Variants in EPS15 observed in about 807,000 individuals in gnomAD.
EPS15 encodes the protein epidermal growth factor receptor pathway substrate 15.
A neutral mutation model predicts 113.8 loss-of-function variants in EPS15; 72 were observed. The observed-to-expected ratio is 0.63, with a 90% confidence interval of 0.52 to 0.77. The LOEUF (loss-of-function observed/expected upper bound fraction) is 0.77. Ranked by LOEUF, EPS15 falls within the 30% of genes least tolerant of loss-of-function variation. The probability of loss-of-function intolerance (pLI) is 0.00; values close to 1 mark genes in which losing one functional copy is unlikely to be tolerated. For synonymous variants in EPS15, 344 were observed against 363.4 expected (o/e 0.95, Z 0.61); for missense variants, 1,048 against 1,045.8 (o/e 1.00, Z -0.03).
rs530542723 is a variant in EPS15, at chr1:51,518,544, G to A, written c.33+655C>T. 138 of 152,978 alleles carry A rather than the reference G, an allele frequency of 9.0e-4. 1 individual carries two copies. Among genetic ancestry groups the A allele is most frequent in the African/African-American group, 3.2e-3 (134 of 41,608 alleles). 9.5% of individuals were successfully genotyped at this position (152,978 alleles called of 1,614,324 possible). On this transcript the variant is annotated intron_variant, in intron 1 of 24. Transcript: ENST00000371733. ...AGAAGGAAACCTGATCAGGAGGGGG[G>A]AGAGGCTGAACGGAGGAAGGGGCCG... is the stretch of plus-strand genomic sequence containing the variant.
At chr1:51,406,455 T>G (rs1306018792) in intron 15 of EPS15, among the ~76,000 whole-genome samples, 1 of 152,146 alleles carries the variant, frequency 6.6e-6, no homozygotes, top group African/African-American at 2.4e-5. Flanking sequence ...AGTGACAGAA[T>G]GAGACCCTGT....
intron 1 of EPS15, among the ~76,000 whole-genome samples, chr1:51,503,755 T>C (rs973642043): frequency 6.6e-6 from 1 of 152,152 alleles, no homozygotes; most frequent in African/African-American, 2.4e-5. Context: ...TATAGATCAA[T>C]GGAACAGAAT....
At chr1:51,431,498 T>G (rs1481826725) in intron 12 of EPS15, among the ~76,000 whole-genome samples, 1 of 151,834 alleles carries the variant, frequency 6.6e-6, no homozygotes, top group African/African-American at 2.4e-5. Context: ...CAGGCGAGAA[T>G]GCAGTGGGGC....
chr1:51,463,879 A>G (rs532998210), intron 6 of EPS15, 81 bp from the exon 7 acceptor site: 2 of 751,712 alleles, frequency 2.7e-6, no homozygotes, highest in African/African-American at 1.8e-5. Flanking sequence ...GTCCTTAAAG[A>G]ATAGACTACA....
At position 51,504,843 on chromosome 1, in the gene EPS15, G is replaced by A. The variant is rs918924117; in HGVS notation, c.33+14356C>T. ...AGCTGCTCTAAAACAGTCAGCAGCC[G>A]AGCGTGGTGGCTCACACCTATAATC... On this transcript the variant is annotated intron_variant, in intron 1 of 24. Coordinates refer to ENST00000371733, the MANE Select transcript of EPS15 (RefSeq NM_001981.3). Among the ~76,000 whole-genome samples the A allele has an allele frequency of 4.6e-5, 7 of 152,310 alleles. No individual in the cohort carries two copies. In the East Asian group the frequency reaches 7.7e-4, roughly 17 times the overall value.
chr1:51,517,266 T>C (rs1644737453), intron 1 of EPS15, among the ~76,000 whole-genome samples: 1 of 152,220 alleles, frequency 6.6e-6, no homozygotes, highest in African/African-American at 2.4e-5. Flanking sequence ...CCAATGTATA[T>C]TATCTCATAT....
intron 21 of EPS15, chr1:51,372,575 A>T (rs753076161): frequency 1.7e-5 from 9 of 523,746 alleles, no homozygotes; most frequent in Middle Eastern, 4.7e-4. Context: ...CAAGAGTAAC[A>T]TTGCCATCAA....
At chr1:51,423,997 C>T (rs901318509) in intron 12 of EPS15, among the ~76,000 whole-genome samples, 9 of 151,050 alleles carry the variant, frequency 6.0e-5, no homozygotes, top group Non-Finnish European at 1.0e-4. Context: ...CCATTCCCAA[C>T]TAAAAAAAAA....
At chr1:51,474,614 G>C (rs1049483240) in intron 2 of EPS15, among the ~76,000 whole-genome samples, 2 of 152,080 alleles carry the variant, frequency 1.3e-5, no homozygotes, top group Admixed American at 1.3e-4. Flanking sequence ...ATGTGCATAA[G>C]CCCTTTCTGA....
chr1:51,416,821 A>G (rs562022093), intron 13 of EPS15, among the ~76,000 whole-genome samples: 196 of 150,914 alleles, frequency 1.3e-3, no homozygotes, highest in African/African-American at 4.4e-3. Flanking sequence ...GTTCATATCA[A>G]TATCAGTAAT....
intron 1 of EPS15, among the ~76,000 whole-genome samples, chr1:51,491,991 A>G (rs1463407315): frequency 6.6e-6 from 1 of 151,462 alleles, no homozygotes; most frequent in Non-Finnish European, 1.5e-5. Context: ...CAGCCTCCTA[A>G]GCAGATGGGA....
At chr1:51,374,159 G>A (rs1646728842) in intron 21 of EPS15, among the ~76,000 whole-genome samples, 1 of 152,158 alleles carries the variant, frequency 6.6e-6, no homozygotes, top group South Asian at 2.1e-4. Flanking sequence ...GAGATCATGA[G>A]CTCCCTTCTA....
intron 12 of EPS15, among the ~76,000 whole-genome samples, chr1:51,429,404 C>T (rs879265586): frequency 6.7e-6 from 1 of 149,914 alleles, no homozygotes; most frequent in Non-Finnish European, 1.5e-5. Flanking sequence ...CAATTAATGA[C>T]ACTGAATTGT....
chr1:51,452,269 TATTTA>T (rs201537477), intron 8 of EPS15, among the ~76,000 whole-genome samples: 3,312 of 151,886 alleles, frequency 0.022, 29 homozygotes, highest in Middle Eastern at 0.034. Context: ...TTTATATATT[TATTTA>T]ATTTGTTTAT....
At chr1:51,464,983 T>C (rs534661788) in intron 6 of EPS15, among the ~76,000 whole-genome samples, 5 of 152,342 alleles carry the variant, frequency 3.3e-5, no homozygotes, top group Admixed American at 1.3e-4. Flanking sequence ...ATAACACCAG[T>C]GGGGTAAACT....
intron 2 of EPS15, among the ~76,000 whole-genome samples, chr1:51,477,854 G>T (rs1296793454): frequency 6.6e-6 from 1 of 152,166 alleles, no homozygotes; most frequent in East Asian, 1.9e-4. Flanking sequence ...TACATTTGCT[G>T]AGGAGTGCTT....
At chr1:51,372,831 A>C in intron 21 of EPS15, 2 of 540,616 alleles carry the variant, frequency 3.7e-6, no homozygotes, top group Non-Finnish European at 6.0e-6. Flanking sequence ...CCAGCTGATC[A>C]CAAAGAGGTC....
chr1:51,446,950 A>G lies in EPS15; in HGVS notation c.797+10T>C. On this transcript the variant is annotated intron_variant, in intron 10 of 24. Transcript: ENST00000371733. ...ATATTTTTAAAAAATCAATTCAAAT[A>G]AAGTCTTACCATATATGGGCTAGTA... is the stretch of plus-strand genomic sequence containing the variant. 2 of 1,574,514 alleles carry G rather than the reference A, an allele frequency of 1.3e-6. No homozygotes were observed. The highest frequency in any genetic ancestry group is 1.7e-6 in the Non-Finnish European group (2 of 1,164,562).
intron 4 of EPS15, among the ~76,000 whole-genome samples, chr1:51,470,646 CAAAAAAAAAAAAAA>C (rs10616476): frequency 1.4e-5 from 1 of 72,996 alleles, no homozygotes; most frequent in Non-Finnish European, 3.0e-5. Flanking sequence ...GGCTCTGTCT[CAAAAAAAAAAAAAA>C]AAAAAAAAAA....
Sources: gnomAD v4.1 joint callset for allele counts (sites outside exome capture counted in the v4.1 genomes callset) on GRCh38, gnomAD v4.1.1 for gene constraint, MANE v1.5 for transcripts, NCBI Gene and HGNC (gene_info 2026-07-23, HGNC 2026-07-21) for gene names.